The following NTM variants were observed in gnomAD, a reference collection of about 807,000 sequenced individuals.
The protein encoded by NTM is IgLON family member 2.
In NTM, 13 loss-of-function variants were observed where a neutral mutation model predicts 42.1. That is an observed-to-expected ratio of 0.31 (90% confidence interval 0.20 to 0.49). NTM has a LOEUF of 0.49. Ranked by LOEUF, NTM falls within the 20% of genes least tolerant of loss-of-function variation. The pLI is 0.99. For missense variants in NTM, 373 were observed against 452.8 expected (o/e 0.82, Z 1.60); for synonymous variants, 187 against 179.2 (o/e 1.04, Z -0.35).
intron 2 of NTM, among the ~76,000 whole-genome samples, chr11:132,112,841 T>A (rs1233476833): frequency 6.6e-6 from 1 of 152,066 alleles, no homozygotes; most frequent in African/African-American, 2.4e-5. Flanking sequence ...TAGCTTTGAA[T>A]GAAAACAACA....
intron 2 of NTM, among the ~76,000 whole-genome samples, chr11:131,938,948 C>A (rs1031317674): frequency 1.3e-5 from 2 of 151,574 alleles, no homozygotes; most frequent in Non-Finnish European, 2.9e-5. Flanking sequence ...AGCAAGAGGA[C>A]CCTTAGATAC....
Position 132,003,992 on chromosome 11 carries a change from G to T in NTM, c.167+92344G>T, listed in dbSNP as rs1011718055. 6.6e-6 allele frequency among the ~76,000 whole-genome samples: 1 copy of T among 152,180 alleles called. No individual in the cohort carries two copies. The highest frequency in any genetic ancestry group is 6.6e-5 in the Admixed American group (1 of 15,266). On this transcript the variant is annotated intron_variant, in intron 2 of 8. Transcript: ENST00000683400. The surrounding 1 kb of genome is among the most constrained non-coding windows in gnomAD (Gnocchi z 6.0). ...AATCAACCATTAGCATAATGTATTA[G>T]CATATCTATAGCACAATTATATTTT... is the stretch of plus-strand genomic sequence containing the variant.
At chr11:131,795,929 A>G in intron 1 of NTM, 3 of 978,104 alleles carry the variant, frequency 3.1e-6, no homozygotes, top group Non-Finnish European at 3.6e-6. Context: ...GCGATGCCTG[A>G]GCTGCAGCAT....
At chr11:131,466,444 A>G (rs1008791886) in intron 1 of NTM, among the ~76,000 whole-genome samples, 3 of 152,200 alleles carry the variant, frequency 2.0e-5, no homozygotes, top group Admixed American at 6.5e-5. Context: ...TCTAAGATGC[A>G]CAAACTTGCA....
intron 2 of NTM, among the ~76,000 whole-genome samples, chr11:131,923,972 T>C: frequency 6.6e-6 from 1 of 152,194 alleles, no homozygotes; most frequent in East Asian, 1.9e-4. Context: ...TCCGGGCCAG[T>C]GTGAAGCGTG....
chr11:131,600,956 T>C (rs2060431717), intron 1 of NTM, among the ~76,000 whole-genome samples: 1 of 152,210 alleles, frequency 6.6e-6, no homozygotes, highest in Non-Finnish European at 1.5e-5. Flanking sequence ...GATTTGCCCA[T>C]CTGCTTCTTG....
chr11:131,830,885 C>T (rs574939957), intron 1 of NTM, among the ~76,000 whole-genome samples: 3 of 152,178 alleles, frequency 2.0e-5, no homozygotes, highest in South Asian at 4.2e-4. Context: ...TATCTTTCAC[C>T]TCCTTGGTGA....
intron 7 of NTM, among the ~76,000 whole-genome samples, chr11:132,326,053 A>G (rs2095674198): frequency 1.3e-5 from 2 of 152,124 alleles, no homozygotes; most frequent in African/African-American, 2.4e-5. Flanking sequence ...GCATTAGGAT[A>G]TATACCTAAT....
chr11:132,181,240 T>C (rs1012835832), intron 3 of NTM, among the ~76,000 whole-genome samples: 1 of 152,182 alleles, frequency 6.6e-6, no homozygotes, highest in Non-Finnish European at 1.5e-5. Flanking sequence ...CCTTAATCCT[T>C]CTCATGAGTC....
At chr11:131,661,782 G>A (rs2134474515) in intron 1 of NTM, among the ~76,000 whole-genome samples, 1 of 152,066 alleles carries the variant, frequency 6.6e-6, no homozygotes, top group Non-Finnish European at 1.5e-5. Flanking sequence ...CCTGTGAGTT[G>A]CCAACAATCC....
chr11:132,274,908 G>A (rs983293154), intron 4 of NTM, among the ~76,000 whole-genome samples: 1 of 151,966 alleles, frequency 6.6e-6, no homozygotes, highest in Non-Finnish European at 1.5e-5. Flanking sequence ...TGGGCCACTT[G>A]GATAGTTCTT....
chr11:131,820,999 C>T (rs74985421), intron 1 of NTM, among the ~76,000 whole-genome samples: 1 of 151,052 alleles, frequency 6.6e-6, no homozygotes, highest in African/African-American at 2.4e-5. Context: ...TCAACTCTAG[C>T]AGTAACACCA....
intron 1 of NTM, among the ~76,000 whole-genome samples, chr11:131,874,030 A>AATATAATATAATATAT (rs1491528420): frequency 1.3e-5 from 1 of 76,638 alleles, no homozygotes; most frequent in African/African-American, 3.7e-5. Flanking sequence ...AATATAATAT[A>AATATAATATAATATAT]ATATATATAT....
intron 2 of NTM, among the ~76,000 whole-genome samples, chr11:132,095,638 G>A (rs1204925758): frequency 6.6e-6 from 1 of 152,192 alleles, no homozygotes; most frequent in Non-Finnish European, 1.5e-5. Context: ...CGGCATGCAT[G>A]TCCAAAAAGC....
At chr11:132,240,909 T>C (rs2090080658) in intron 4 of NTM, among the ~76,000 whole-genome samples, 1 of 152,172 alleles carries the variant, frequency 6.6e-6, no homozygotes, top group Non-Finnish European at 1.5e-5. Flanking sequence ...ATCAGAAATG[T>C]TCCAAAATCC....
intron 2 of NTM, among the ~76,000 whole-genome samples, chr11:132,093,693 T>G (rs959008081): frequency 6.6e-6 from 1 of 152,192 alleles, no homozygotes; most frequent in South Asian, 2.1e-4. Context: ...AGGCATTGTG[T>G]TGGGCACTGT....
intron 1 of NTM, among the ~76,000 whole-genome samples, chr11:131,540,286 T>G (rs372585891): frequency 3.5e-5 from 5 of 144,578 alleles, no homozygotes; most frequent in South Asian, 2.4e-4. Context: ...TGCCTCAACC[T>G]CCCAAGTAGC....
chr11:132,053,581 T>C (rs2079164769), intron 2 of NTM, among the ~76,000 whole-genome samples: 1 of 152,184 alleles, frequency 6.6e-6, no homozygotes, highest in South Asian at 2.1e-4. Flanking sequence ...GAGGGATTAA[T>C]GAGGACAGGA....
intron 1 of NTM, among the ~76,000 whole-genome samples, chr11:131,375,353 C>A (rs998038465): frequency 1.3e-5 from 2 of 152,182 alleles, no homozygotes; most frequent in African/African-American, 4.8e-5. Flanking sequence ...TGTCTTGTTA[C>A]ATGTTTACTT....
Sources: allele counts gnomAD v4.1 joint callset (sites outside exome capture counted in the v4.1 genomes callset), GRCh38; gene constraint gnomAD v4.1.1; non-coding constraint Gnocchi (gnomAD v3.1); transcripts MANE v1.5; gene names NCBI Gene and HGNC (gene_info 2026-07-23, HGNC 2026-07-21).